The following CLIP4 variants were observed in gnomAD, a reference collection of about 807,000 sequenced individuals.
The protein encoded by CLIP4 is CAP-Gly domain containing linker protein family member 4.
CLIP4 carries 47 observed loss-of-function variants against 73.1 expected under a neutral mutation model. The observed-to-expected ratio is 0.64, with a 90% CI of 0.51 to 0.82. CLIP4 has a LOEUF of 0.82. CLIP4 is among the 40% of genes least tolerant of loss of function. The pLI, the probability that CLIP4 is intolerant of heterozygous loss-of-function variation, is 0.00. For missense variants in CLIP4, 874 were observed against 852.9 expected (o/e 1.02, Z -0.31); for synonymous variants, 306 against 295.4 (o/e 1.04, Z -0.37).
chr2:29,157,225 G>T lies in CLIP4; in HGVS notation c.1277G>T (p.Ser426Ile). Reference sequence around the variant, plus strand: ...ACAGTTGCCCTGCTTGGATCTGTCAGCAGCTGCTCCTCTACATCTTCTTTG... The same window carrying T: ...ACAGTTGCCCTGCTTGGATCTGTCATCAGCTGCTCCTCTACATCTTCTTTG... ...EKDVALLGSV[S>I]SCSSTSSLEH... is the part of the protein sequence containing the mutation. The change falls in exon 11 of 16, where the codon AGC becomes ATC. Residue 426 changes from serine to isoleucine, a missense_variant. Ser to Ile is a moderately radical substitution (Grantham distance 142). Coordinates refer to ENST00000320081, the MANE Select transcript of CLIP4 (RefSeq NM_024692.6). 1 of 1,614,004 alleles carries T rather than the reference G, an allele frequency of 6.2e-7. No individual in the cohort carries two copies. Among genetic ancestry groups the T allele is most frequent in the Non-Finnish European group, 8.5e-7 (1 of 1,179,942 alleles).
chr2:29,138,487 C>CT (rs1485356029), intron 6 of CLIP4, among the ~76,000 whole-genome samples: 1 of 137,802 alleles, frequency 7.3e-6, no homozygotes, highest in Non-Finnish European at 1.6e-5. Context: ...GCTATTTGGG[C>CT]TCTTTTTTTT....
rs774376629 is a variant in CLIP4 at position 29,152,823 on chromosome 2, A to G, written c.1160A>G (p.Asn387Ser). Residue 387 changes from asparagine to serine, a missense_variant, in exon 9 of 16, where the codon AAT becomes AGT. Asn to Ser is a conservative substitution (Grantham distance 46). Coordinates refer to ENST00000320081, the MANE Select transcript of CLIP4 (RefSeq NM_024692.6). ...IDVAHVTSKV[N>S]TGLMTSKKDS... ...GTAGCTCATGTGACGTCAAAAGTAAATACTGGTAGGTCAAACCAGAAAGTT... is the reference window on the plus strand; with the variant it reads ...GTAGCTCATGTGACGTCAAAAGTAAGTACTGGTAGGTCAAACCAGAAAGTT... 6.2e-7 allele frequency: 1 copy of G among 1,613,116 alleles called. No individual in the cohort carries two copies.
At chr2:29,160,175 A>T (rs1667195097) in intron 11 of CLIP4, among the ~76,000 whole-genome samples, 158 bp from the exon 12 acceptor site, 1 of 152,210 alleles carries the variant, frequency 6.6e-6, no homozygotes, top group Non-Finnish European at 1.5e-5. Context: ...TAGATGACTT[A>T]TGTGATGAAA....
intron 12 of CLIP4, 95 bp downstream of exon 12, chr2:29,160,562 T>C: frequency 7.1e-7 from 1 of 1,414,588 alleles, no homozygotes; most frequent in South Asian, 1.4e-5. Context: ...AGAGAAATCT[T>C]GATGAACAGT....
At chr2:29,163,000 C>G (rs1281483156) in intron 12 of CLIP4, among the ~76,000 whole-genome samples, 1 of 152,034 alleles carries the variant, frequency 6.6e-6, no homozygotes, top group Non-Finnish European at 1.5e-5. Flanking sequence ...CTACTGTACA[C>G]TCCTTTTAAA....
chr2:29,117,810 C>T (rs1180249920), intron 1 of CLIP4, among the ~76,000 whole-genome samples: 2 of 152,214 alleles, frequency 1.3e-5, no homozygotes, highest in Admixed American at 1.3e-4. Flanking sequence ...TAGGAATCAA[C>T]ACTAGGCTGT....
At chr2:29,130,563 G>T in intron 2 of CLIP4, 2 of 1,031,506 alleles carry the variant, frequency 1.9e-6, no homozygotes, top group Non-Finnish European at 2.4e-6. Context: ...TGAGCTGGGG[G>T]TGGGACTTTG....
chr2:29,145,536 A>C (rs1294823927), intron 8 of CLIP4, among the ~76,000 whole-genome samples, 169 bp downstream of exon 8: 1 of 152,172 alleles, frequency 6.6e-6, no homozygotes, highest in Non-Finnish European at 1.5e-5. Context: ...ATTTATTTAC[A>C]CTGACGAGAG....
At chr2:29,128,635 T>C (rs1334148079) in intron 2 of CLIP4, among the ~76,000 whole-genome samples, 1 of 152,134 alleles carries the variant, frequency 6.6e-6, no homozygotes, top group Non-Finnish European at 1.5e-5. Flanking sequence ...GTTTAGTCGT[T>C]TTAACAGGAG....
rs767041608 is a variant in CLIP4, at chr2:29,181,775, G to T, written c.2000G>T (p.Gly667Val). ...CGAAGCGCCAAGGGAAAAAATGATGGGTCAGTGGGTGACAAGCGCTATTTC... is the reference window on the plus strand; with the variant it reads ...CGAAGCGCCAAGGGAAAAAATGATGTGTCAGTGGGTGACAAGCGCTATTTC... ...ELRSAKGKND[G>V]SVGDKRYFTC... is the part of the protein sequence containing the mutation. The change falls in exon 16 of 16, where the codon GGG becomes GTG. Residue 667 changes from glycine to valine, a missense_variant. By Grantham distance (109) the Gly-to-Val change is moderately radical. Coordinates refer to ENST00000320081, the MANE Select transcript of CLIP4 (RefSeq NM_024692.6). The T allele has an allele frequency of 5.6e-6, 9 of 1,614,126 alleles. No individual in the cohort carries two copies. The highest frequency in any genetic ancestry group is 7.6e-6 in the Non-Finnish European group (9 of 1,180,028).
intron 1 of CLIP4, among the ~76,000 whole-genome samples, chr2:29,117,228 T>C (rs1558511854): frequency 6.6e-6 from 1 of 152,236 alleles, no homozygotes; most frequent in Non-Finnish European, 1.5e-5. Flanking sequence ...TTACCCAATA[T>C]GGTAGCACTA....
At chr2:29,136,571 C>G (rs1558534783) in intron 6 of CLIP4, among the ~76,000 whole-genome samples, 3 of 151,834 alleles carry the variant, frequency 2.0e-5, no homozygotes. Context: ...GTCAGTTTTA[C>G]TGTAGTGTGC....
Position 29,131,256 on chromosome 2 carries a change from A to G in CLIP4, c.134-2A>G. 6.3e-7 allele frequency: 1 copy of G among 1,590,100 alleles called. No individual in the cohort carries two copies. Among genetic ancestry groups the G allele is most frequent in the Non-Finnish European group, 8.6e-7 (1 of 1,169,414 alleles). ...TTTAATTTGCATCTTTTTTTATTTC[A>G]GAATTTTCTTTCTTTGATCCTAATG... On this transcript the variant is annotated splice_acceptor_variant, in intron 2 of 15. Coordinates refer to ENST00000320081, the MANE Select transcript of CLIP4 (RefSeq NM_024692.6). LOFTEE classifies it high-confidence loss of function.
intron 15 of CLIP4, chr2:29,174,653 G>C: frequency 7.7e-7 from 1 of 1,294,864 alleles, no homozygotes; most frequent in Non-Finnish European, 9.8e-7. Flanking sequence ...TAAAACTAGT[G>C]CACTGCATAT....
chr2:29,140,629 G>C (rs1572933537), intron 6 of CLIP4, among the ~76,000 whole-genome samples: 1 of 152,094 alleles, frequency 6.6e-6, no homozygotes, highest in East Asian at 1.9e-4. Flanking sequence ...GGTATTTCTA[G>C]TTCTAGATCC....
intron 8 of CLIP4, among the ~76,000 whole-genome samples, chr2:29,148,324 G>T (rs1352675023): frequency 6.6e-6 from 1 of 152,138 alleles, no homozygotes; most frequent in Non-Finnish European, 1.5e-5. Flanking sequence ...TTGGCTTGTT[G>T]TGCTGCTTTT....
intron 15 of CLIP4, among the ~76,000 whole-genome samples, chr2:29,178,888 G>A (rs1295107903): frequency 1.3e-5 from 2 of 152,144 alleles, no homozygotes; most frequent in Admixed American, 1.3e-4. Flanking sequence ...TCTGCCTCCC[G>A]AGTTCAAGCG....
chr2:29,131,678 T>G (rs1348279247), intron 3 of CLIP4: 3 of 283,686 alleles, frequency 1.1e-5, no homozygotes, highest in African/African-American at 6.6e-5. Flanking sequence ...TGTAAACTTT[T>G]ATGCATTTCA....
intron 8 of CLIP4, among the ~76,000 whole-genome samples, chr2:29,146,915 C>T (rs1161827520): frequency 2.6e-5 from 4 of 152,178 alleles, no homozygotes; most frequent in South Asian, 4.1e-4. Flanking sequence ...TTGGCTATCA[C>T]GCTTTTATCA....
Sources: gnomAD v4.1 joint callset for allele counts (sites outside exome capture counted in the v4.1 genomes callset) on GRCh38, gnomAD v4.1.1 for gene constraint, MANE v1.5 for transcripts, NCBI Gene and HGNC (gene_info 2026-07-23, HGNC 2026-07-21) for gene names.